The following KANK1 variants were observed in gnomAD, a reference collection of about 807,000 sequenced individuals.
The protein encoded by KANK1 is KN motif and ankyrin repeat domains 1.
A neutral mutation model predicts 106.2 loss-of-function variants in KANK1; 109 were observed. The ratio of observed to expected loss-of-function variants is 1.03; its 90% confidence interval spans 0.88 to 1.20. The LOEUF is 1.20. KANK1 is among the 50% of genes most tolerant of loss of function. The pLI, the probability that KANK1 is intolerant of heterozygous loss-of-function variation, is 0.00. For missense variants in KANK1, 2,399 were observed against 1,710.7 expected, an observed-to-expected ratio of 1.40 and a Z score of -7.10; for synonymous variants, 873 against 652.2, an observed-to-expected ratio of 1.34 and a Z score of -5.16.
At chr9:627,758 T>C (rs1834703083) in intron 1 of KANK1, among the ~76,000 whole-genome samples, 1 of 152,244 alleles carries the variant, frequency 6.6e-6, no homozygotes, top group Non-Finnish European at 1.5e-5. Context: ...AGCACAAGTA[T>C]ATCCTGTCTT....
intron 1 of KANK1, among the ~76,000 whole-genome samples, chr9:536,296 T>TA (rs2133701458): frequency 6.6e-6 from 1 of 152,264 alleles, no homozygotes; most frequent in South Asian, 2.1e-4. Context: ...GAGCTGAGAT[T>TA]ATGCCACTGC....
At chr9:549,731 G>C (rs1288080399) in intron 1 of KANK1, 1 of 152,376 alleles carries the variant, frequency 6.6e-6, no homozygotes, top group Non-Finnish European at 1.5e-5. Context: ...GGTATGAGTG[G>C]CTGTGACTGT....
At chr9:638,827 T>C (rs1373583810) in intron 1 of KANK1, among the ~76,000 whole-genome samples, 1 of 152,216 alleles carries the variant, frequency 6.6e-6, no homozygotes, top group African/African-American at 2.4e-5. Context: ...TATTCTTCTC[T>C]CTGCCATTCA....
Position 605,173 on chromosome 9 carries a change from C to T in KANK1, c.-83-71717C>T, listed in dbSNP as rs1000633332. 2.0e-4 allele frequency among the ~76,000 whole-genome samples: 30 copies of T among 151,190 alleles called. 1 individual carries two copies. Among genetic ancestry groups the T allele is most frequent in the African/African-American group, 5.6e-4 (23 of 40,736 alleles). ...AAAATTAGCTGGGTGTGGTGGTACG[C>T]GCCTGTAATCCCAGCTACTTAGGAG... is the stretch of plus-strand genomic sequence containing the variant. On this transcript the variant is annotated intron_variant, in intron 1 of 11. Transcript: ENST00000382297.
chr9:691,745 C>T (rs1819987990), intron 2 of KANK1, among the ~76,000 whole-genome samples: 1 of 148,680 alleles, frequency 6.7e-6, no homozygotes, highest in East Asian at 2.0e-4. Flanking sequence ...TCCCGAGAAA[C>T]TGAGACTACA....
intron 3 of KANK1, among the ~76,000 whole-genome samples, chr9:724,104 A>C (rs1396360403): frequency 1.3e-5 from 2 of 152,192 alleles, no homozygotes; most frequent in African/African-American, 4.8e-5. Flanking sequence ...CCATATCAAA[A>C]AAAAAGACTA....
intron 4 of KANK1, 75 bp downstream of exon 4, chr9:730,323 A>T (rs563002021): frequency 7.2e-7 from 1 of 1,384,680 alleles, no homozygotes; most frequent in East Asian, 2.3e-5. Context: ...TTTAATGTCA[A>T]TGTACCTTTT....
chr9:557,475 C>T (rs1448520256), intron 1 of KANK1, among the ~76,000 whole-genome samples: 1 of 152,066 alleles, frequency 6.6e-6, no homozygotes, highest in African/African-American at 2.4e-5. Context: ...AGGATCCTAC[C>T]AGATGTTTCT....
Position 711,451 on chromosome 9 carries a change from GCTCCCACCA to G in KANK1, c.688_696del (p.Pro230_Thr232del). On this transcript the variant is annotated inframe_deletion, in exon 3 of 12. Transcript: ENST00000382297. ...GGATTATGGTAGCTATGCCCCAGCT[GCTCCCACCA>G]CTTCCTCCATGGGGAGCTCCATCCG... 6.2e-7 allele frequency: 1 copy of G among 1,614,144 alleles called. No individual in the cohort carries two copies. Among genetic ancestry groups the G allele is most frequent in the Non-Finnish European group, 8.5e-7 (1 of 1,180,032 alleles).
chr9:482,921 C>T (rs4742039), intron 3 of KANK1, among the ~76,000 whole-genome samples: 29,889 of 152,104 alleles, frequency 0.2, 3,352 homozygotes, highest in East Asian at 0.46. Flanking sequence ...CTCTGCCTGC[C>T]GGGGTGTGAA....
intron 1 of KANK1, among the ~76,000 whole-genome samples, chr9:640,723 G>C (rs934117149): frequency 1.4e-5 from 2 of 143,766 alleles, no homozygotes; most frequent in Non-Finnish European, 3.0e-5. Context: ...TTGAGATGGA[G>C]TCTTGCTCTG....
At chr9:566,905 T>C (rs1817944923) in intron 1 of KANK1, among the ~76,000 whole-genome samples, 1 of 152,214 alleles carries the variant, frequency 6.6e-6, no homozygotes, top group Non-Finnish European at 1.5e-5. Context: ...CTTTTGACAT[T>C]CTCGTCACGA....
At chr9:475,199 G>C (rs979114257) in intron 3 of KANK1, among the ~76,000 whole-genome samples, 1 of 152,200 alleles carries the variant, frequency 6.6e-6, no homozygotes, top group African/African-American at 2.4e-5. Context: ...ATTGGTAAAT[G>C]ACCTTCCTGT....
intron 1 of KANK1, among the ~76,000 whole-genome samples, chr9:566,512 C>A (rs958499784): frequency 6.6e-6 from 1 of 152,214 alleles, no homozygotes; most frequent in Non-Finnish European, 1.5e-5. Context: ...GCAACCTCGC[C>A]AGCACCTGTT....
chr9:616,747 C>T (rs1366340358), intron 1 of KANK1, among the ~76,000 whole-genome samples: 1 of 152,190 alleles, frequency 6.6e-6, no homozygotes. Context: ...CAGCTGTGTT[C>T]AGTGTTGACC....
intron 1 of KANK1, among the ~76,000 whole-genome samples, chr9:508,687 A>G (rs1207859310): frequency 6.6e-6 from 1 of 151,256 alleles, no homozygotes; most frequent in Non-Finnish European, 1.5e-5. Flanking sequence ...TCTCAACATT[A>G]TATTTGTGAG....
intron 3 of KANK1, among the ~76,000 whole-genome samples, chr9:727,652 C>G (rs970120632): frequency 3.3e-5 from 5 of 150,104 alleles, no homozygotes; most frequent in African/African-American, 7.5e-5. Context: ...ATAGCTGTTT[C>G]ATTTAGCACA....
intron 1 of KANK1, among the ~76,000 whole-genome samples, chr9:584,297 C>T (rs1479966140): frequency 6.6e-6 from 1 of 152,186 alleles, no homozygotes; most frequent in African/African-American, 2.4e-5. Context: ...CATGCACTTA[C>T]ACATTTGTGT....
At chr9:532,038 A>G (rs1377761663) in intron 1 of KANK1, among the ~76,000 whole-genome samples, 2 of 152,192 alleles carry the variant, frequency 1.3e-5, no homozygotes, top group Non-Finnish European at 1.5e-5. Context: ...TTCATTGGAC[A>G]TGAGCACAAA....
Sources: gnomAD v4.1 joint callset for allele counts (sites outside exome capture counted in the v4.1 genomes callset) on GRCh38, gnomAD v4.1.1 for gene constraint, MANE v1.5 for transcripts, NCBI Gene and HGNC (gene_info 2026-07-23, HGNC 2026-07-21) for gene names.